Variants in RYR2 observed in about 807,000 individuals in gnomAD.
RYR2 encodes the protein cardiac muscle ryanodine receptor-calcium release channel.
A neutral mutation model predicts 601.1 loss-of-function variants in RYR2; 227 were observed. The observed-to-expected ratio is 0.38, with a 90% CI of 0.34 to 0.42. The LOEUF (loss-of-function observed/expected upper bound fraction) is 0.42, where lower values mean the gene tolerates loss of function less well. Ranked by LOEUF, RYR2 falls within the 10% of genes least tolerant of loss-of-function variation. The pLI is 1.00. For synonymous variants in RYR2, 2,223 were observed against 2,175.1 expected (o/e 1.02, Z -0.61); for missense variants, 4,646 against 6,156.5 (o/e 0.75, Z 8.21).
chr1:237,332,308 A>G (rs928132236), intron 3 of RYR2, among the ~76,000 whole-genome samples: 1 of 152,210 alleles, frequency 6.6e-6, no homozygotes, highest in Non-Finnish European at 1.5e-5. Flanking sequence ...GCAGTGTACT[A>G]TTAAGTAGGG....
intron 1 of RYR2, among the ~76,000 whole-genome samples, chr1:237,200,493 G>GGCTT (rs1656057903): frequency 2.0e-5 from 3 of 152,120 alleles, no homozygotes; most frequent in African/African-American, 7.2e-5. Flanking sequence ...TTGAACTCCT[G>GGCTT]GTCTCAAGTG....
chr1:237,533,963 CAG>C (rs1262770161), intron 25 of RYR2, among the ~76,000 whole-genome samples: 1 of 152,020 alleles, frequency 6.6e-6, no homozygotes, highest in Admixed American at 6.6e-5. Flanking sequence ...AATCTGATGA[CAG>C]ATGTAAATCC....
intron 1 of RYR2, among the ~76,000 whole-genome samples, chr1:237,053,335 G>A (rs992427278): frequency 6.6e-6 from 1 of 152,178 alleles, no homozygotes; most frequent in South Asian, 2.1e-4. Context: ...GAGATGAAAC[G>A]TTTTTGATTG....
intron 12 of RYR2, 62 bp from the exon 13 acceptor site, chr1:237,441,257 T>C: frequency 6.3e-7 from 1 of 1,586,842 alleles, no homozygotes; most frequent in Non-Finnish European, 8.6e-7. Flanking sequence ...GGCAAAATTC[T>C]ATTGCCATAC....
intron 10 of RYR2, among the ~76,000 whole-genome samples, chr1:237,389,029 C>T (rs1297394780): frequency 1.3e-5 from 2 of 152,042 alleles, no homozygotes; most frequent in African/African-American, 4.8e-5. Flanking sequence ...GGAAAAGTCC[C>T]TCTGAGACCT....
intron 2 of RYR2, among the ~76,000 whole-genome samples, chr1:237,295,513 A>G (rs896988654): frequency 6.6e-6 from 1 of 152,212 alleles, no homozygotes; most frequent in Non-Finnish European, 1.5e-5. Context: ...CAACTTAAAA[A>G]GACATTGAAA....
Position 237,584,888 on chromosome 1 carries a change from G to A in RYR2, c.3599-4905G>A, listed in dbSNP as rs185132586. Reference sequence around the variant, plus strand: ...AGCTAACTCCTAAGCAGTGTGCCCAGAGTCAACCTAATTTGTTATTTTTTT... The same window carrying A: ...AGCTAACTCCTAAGCAGTGTGCCCAAAGTCAACCTAATTTGTTATTTTTTT... On this transcript the variant is annotated intron_variant, in intron 29 of 104. Transcript: ENST00000366574. 5.0e-3 allele frequency among the ~76,000 whole-genome samples: 711 copies of A among 143,630 alleles called. 7 individuals are homozygous for A. The highest frequency in any genetic ancestry group is 0.017 in the African/African-American group (663 of 39,766). 94.2% of individuals were successfully genotyped at this position (143,630 alleles called of 152,430 possible).
chr1:237,631,748 C>CT (rs1295266962), intron 42 of RYR2, among the ~76,000 whole-genome samples: 1 of 150,754 alleles, frequency 6.6e-6, no homozygotes, highest in Non-Finnish European at 1.5e-5. Flanking sequence ...CTGCCTCAGC[C>CT]TCCCGAGGAG....
At chr1:237,056,470 G>T (rs1381604204) in intron 1 of RYR2, among the ~76,000 whole-genome samples, 1 of 142,816 alleles carries the variant, frequency 7.0e-6, no homozygotes, top group African/African-American at 2.6e-5. Context: ...CACTGCACCT[G>T]TGAGGACTAG....
chr1:237,633,294 A>T (rs1241216734), intron 42 of RYR2, among the ~76,000 whole-genome samples: 13 of 152,244 alleles, frequency 8.5e-5, no homozygotes, highest in Non-Finnish European at 1.6e-4. Flanking sequence ...GTAGTGAGGC[A>T]TCACAAATGA....
chr1:237,642,305 G>A (rs528511764), intron 47 of RYR2, among the ~76,000 whole-genome samples: 2 of 152,274 alleles, frequency 1.3e-5, no homozygotes, highest in African/African-American at 2.4e-5. Flanking sequence ...ATGTTAGAAT[G>A]TTAGAAAACT....
chr1:237,065,000 C>G (rs1306736539), intron 1 of RYR2, among the ~76,000 whole-genome samples: 4 of 152,038 alleles, frequency 2.6e-5, no homozygotes, highest in Non-Finnish European at 5.9e-5. Flanking sequence ...TGGCACGTAA[C>G]ATCGTATTGT....
intron 4 of RYR2, among the ~76,000 whole-genome samples, chr1:237,359,366 A>C (rs1025178629): frequency 1.3e-5 from 2 of 152,196 alleles, no homozygotes; most frequent in African/African-American, 4.8e-5. Flanking sequence ...CAGTTGAAAA[A>C]TCATAAATAG....
intron 1 of RYR2, among the ~76,000 whole-genome samples, chr1:237,197,145 G>A (rs7544666): frequency 0.55 from 84,057 of 151,948 alleles, 24,296 homozygotes; most frequent in African/African-American, 0.74. Flanking sequence ...TTGTCATTCA[G>A]ATAATTTACC....
chr1:237,687,435 T>C lies in RYR2; in HGVS notation c.9018-20T>C. ...CCCTTCCCCCTTCCCTTTTCTCTTT[T>C]GTTTTTCTTTTGTCTTCAGCCTATT... On this transcript the variant is annotated intron_variant, in intron 62 of 104. Transcript: ENST00000366574. 6.6e-7 allele frequency: 1 copy of C among 1,509,888 alleles called. No homozygotes were observed. Among genetic ancestry groups the C allele is most frequent in the Non-Finnish European group, 9.2e-7 (1 of 1,090,216 alleles). The allele number at this position is 1,509,888 out of a possible 1,614,324, so 93.5% of individuals were successfully genotyped here.
rs1693281942 is a variant in RYR2 at position 237,759,973 on chromosome 1, A to G, written c.11402+121A>G. ...TAGTTAATGATTAACAACACTTTAAAGTGGGATAATCGGCAGTGTCTTGTT... is the reference window on the plus strand; with the variant it reads ...TAGTTAATGATTAACAACACTTTAAGGTGGGATAATCGGCAGTGTCTTGTT... On this transcript the variant is annotated intron_variant, in intron 83 of 104. Coordinates refer to ENST00000366574, the MANE Select transcript of RYR2 (RefSeq NM_001035.3). 1.6e-5 allele frequency: 11 copies of G among 703,524 alleles called. No homozygotes were observed. The South Asian group carries it at 1.7e-4, about 11-fold the overall frequency. 43.6% of individuals were successfully genotyped at this position (703,524 alleles called of 1,614,324 possible).
At chr1:237,572,831 T>G (rs981208561) in intron 29 of RYR2, among the ~76,000 whole-genome samples, 1 of 152,152 alleles carries the variant, frequency 6.6e-6, no homozygotes, top group African/African-American at 2.4e-5. Context: ...TGAATGCTTT[T>G]TGGTACTGGA....
intron 2 of RYR2, among the ~76,000 whole-genome samples, chr1:237,291,407 C>G (rs1199724985): frequency 1.3e-5 from 2 of 152,086 alleles, no homozygotes; most frequent in Admixed American, 6.6e-5. Flanking sequence ...CATACTTTTA[C>G]TGTACAATCC....
At position 237,364,135 on chromosome 1, in the gene RYR2, C is replaced by T. The variant is rs75144498; in HGVS notation, c.295-223C>T. ...TTTCACAGAAAAAGGAAGAAACTAACGTCAAAACATTTTTAAAGAGTTTTG... is the reference window on the plus strand; with the variant it reads ...TTTCACAGAAAAAGGAAGAAACTAATGTCAAAACATTTTTAAAGAGTTTTG... On this transcript the variant is annotated intron_variant, in intron 4 of 104. Coordinates refer to ENST00000366574, the MANE Select transcript of RYR2 (RefSeq NM_001035.3). Among the ~76,000 whole-genome samples the T allele has an allele frequency of 3.0e-3, 453 of 152,174 alleles. 4 individuals are homozygous for T. The highest frequency in any genetic ancestry group is 8.6e-3 in the African/African-American group (357 of 41,544).
Sources: gnomAD v4.1 joint callset for allele counts (sites outside exome capture counted in the v4.1 genomes callset) on GRCh38, gnomAD v4.1.1 for gene constraint, MANE v1.5 for transcripts, NCBI Gene and HGNC (gene_info 2026-07-23, HGNC 2026-07-21) for gene names.